The following AQP9 variants were observed in gnomAD, a reference collection of about 807,000 sequenced individuals.
The protein encoded by AQP9 is aquaporin 9.
In AQP9, 19 loss-of-function variants were observed where a neutral mutation model predicts 23.8. The ratio of observed to expected loss-of-function variants is 0.80; its 90% confidence interval spans 0.56 to 1.17. The LOEUF (loss-of-function observed/expected upper bound fraction) is 1.17. AQP9 is among the 50% of genes most tolerant of loss of function. The pLI is 0.00. For missense variants in AQP9, 413 were observed against 362.0 expected, an observed-to-expected ratio of 1.14 and a Z score of -1.14; for synonymous variants, 153 against 131.5, an observed-to-expected ratio of 1.16 and a Z score of -1.12.
intron 5 of AQP9, among the ~76,000 whole-genome samples, chr15:58,180,608 A>T (rs1374381742): frequency 6.6e-6 from 1 of 152,218 alleles, no homozygotes; most frequent in African/African-American, 2.4e-5. Flanking sequence ...AACTCAGTCA[A>T]CATTCCCTGT....
intron 1 of AQP9, among the ~76,000 whole-genome samples, chr15:58,146,174 T>G (rs1414243576): frequency 6.6e-6 from 1 of 152,182 alleles, no homozygotes; most frequent in African/African-American, 2.4e-5. Flanking sequence ...AAAATTTTCC[T>G]CTTTATTACC....
chr15:58,142,484 A>C (rs1376974882), intron 1 of AQP9, among the ~76,000 whole-genome samples: 1 of 152,224 alleles, frequency 6.6e-6, no homozygotes, highest in Non-Finnish European at 1.5e-5. Context: ...GATATTTTAC[A>C]GGAGATCTGC....
chr15:58,153,937 A>G (rs1898198016), intron 1 of AQP9: 1 of 152,110 alleles, frequency 6.6e-6, no homozygotes, highest in Non-Finnish European at 1.5e-5. Flanking sequence ...TTTCCTAATT[A>G]ACCCAATTAA....
chr15:58,149,400 T>C (rs1898107667), intron 1 of AQP9, among the ~76,000 whole-genome samples: 1 of 152,152 alleles, frequency 6.6e-6, no homozygotes. Flanking sequence ...CTGGTCAAAA[T>C]CATGTGCAGT....
chr15:58,174,856 G>A lies in AQP9; in HGVS notation c.377-62G>A, dbSNP rs564051780. The A allele has an allele frequency of 5.0e-6, 7 of 1,413,430 alleles. No individual in the cohort carries two copies. The Admixed American group carries it at 1.0e-4, about 20-fold the overall frequency. 87.6% of individuals were successfully genotyped at this position (1,413,430 alleles called of 1,614,324 possible). ...GACTGGTTGTTTAGCACAAGGCTTG[G>A]CACAGGCCTCCTTCAACTCTTCCCA... On this transcript the variant is annotated intron_variant, in intron 3 of 5. Transcript: ENST00000219919.
At chr15:58,178,508 A>G (rs1198917652) in intron 4 of AQP9, among the ~76,000 whole-genome samples, 2 of 152,234 alleles carry the variant, frequency 1.3e-5, no homozygotes, top group Non-Finnish European at 2.9e-5. Flanking sequence ...TTTTGAATGC[A>G]TATTGCTAAA....
At chr15:58,173,946 A>C (rs1398627915) in intron 3 of AQP9, among the ~76,000 whole-genome samples, 1 of 152,094 alleles carries the variant, frequency 6.6e-6, no homozygotes, top group African/African-American at 2.4e-5. Context: ...CCCAAACTGA[A>C]GACCTTAGGA....
chr15:58,167,976 T>G (rs912698436), intron 2 of AQP9, among the ~76,000 whole-genome samples: 1 of 151,564 alleles, frequency 6.6e-6, no homozygotes, highest in Non-Finnish European at 1.5e-5. Context: ...CCACCTGCCT[T>G]GGCCTCCCAA....
chr15:58,175,289 T>G (rs1409940536), intron 4 of AQP9, among the ~76,000 whole-genome samples: 2 of 152,230 alleles, frequency 1.3e-5, no homozygotes, highest in African/African-American at 4.8e-5. Flanking sequence ...AAAGAGTGAA[T>G]GACTAAACAT....
intron 1 of AQP9, among the ~76,000 whole-genome samples, chr15:58,157,981 T>C (rs545355161): frequency 5.3e-5 from 8 of 152,172 alleles, no homozygotes; most frequent in Non-Finnish European, 1.2e-4. Flanking sequence ...ATACTTATTG[T>C]TACCAGAAAA....
chr15:58,184,094 G>T lies in AQP9; in HGVS notation c.847G>T (p.Glu283Ter), dbSNP rs1898956215. ...PDSVFKTEQS[E>*]DKPEKYELSV... Reference sequence around the variant, plus strand: ...CTCAGTCTTTAAGACAGAACAATCTGAGGACAAACCAGAGAAATATGAACT... The same window carrying T: ...CTCAGTCTTTAAGACAGAACAATCTTAGGACAAACCAGAGAAATATGAACT... The change falls in exon 6 of 6, where the codon GAG becomes TAG. Residue 283 changes from glutamate to a stop codon, truncating the protein, a stop_gained. Transcript: ENST00000219919. LOFTEE classifies it high-confidence loss of function. The T allele has an allele frequency of 6.2e-7, 1 of 1,613,968 alleles. No homozygotes were observed. The highest frequency in any genetic ancestry group is 1.3e-5 in the African/African-American group (1 of 74,892).
chr15:58,177,507 A>C (rs1898785862), intron 4 of AQP9, among the ~76,000 whole-genome samples: 1 of 152,252 alleles, frequency 6.6e-6, no homozygotes, highest in African/African-American at 2.4e-5. Context: ...AATATTAATT[A>C]AAAATTATTT....
chr15:58,153,730 G>C (rs139777168), intron 1 of AQP9: 33 of 152,116 alleles, frequency 2.2e-4, no homozygotes, highest in African/African-American at 7.7e-4. Flanking sequence ...ACACTTACAG[G>C]TATGCCTTTC....
At chr15:58,173,689 T>C (rs1022817813) in intron 3 of AQP9, among the ~76,000 whole-genome samples, 1 of 152,092 alleles carries the variant, frequency 6.6e-6, no homozygotes, top group Non-Finnish European at 1.5e-5. Context: ...CAACAGTCCT[T>C]GGGAAAAACA....
At chr15:58,144,429 C>G (rs563399012) in intron 1 of AQP9, among the ~76,000 whole-genome samples, 1 of 152,174 alleles carries the variant, frequency 6.6e-6, no homozygotes, top group East Asian at 1.9e-4. Context: ...CCTGTTCACA[C>G]GCATATGTGG....
chr15:58,184,432 A>G lies in AQP9; in HGVS notation c.*297A>G. 3.6e-6 allele frequency: 1 copy of G among 277,400 alleles called. No individual in the cohort carries two copies. Among genetic ancestry groups the G allele is most frequent in the Non-Finnish European group, 6.8e-6 (1 of 147,016 alleles). The allele number at this position is 277,400 out of a possible 1,614,324, so 17.2% of individuals were successfully genotyped here. A position where few individuals can be genotyped will look rare whatever the true frequency, so the allele number is the denominator to read the frequency against. On this transcript the variant is annotated 3_prime_UTR_variant, in exon 6 of 6. Transcript: ENST00000219919. ...AATTCTTGCTAGGTAAGCACTAATAACTCGGCATCTTGACGATAGTCCCAT... is the reference window on the plus strand; with the variant it reads ...AATTCTTGCTAGGTAAGCACTAATAGCTCGGCATCTTGACGATAGTCCCAT...
intron 1 of AQP9, chr15:58,163,938 C>G (rs116003049): frequency 6.6e-6 from 1 of 152,316 alleles, no homozygotes; most frequent in Non-Finnish European, 1.5e-5. Context: ...GGGAACAAAC[C>G]AGGAGGCAGT....
chr15:58,171,764 A>G (rs571580760), intron 2 of AQP9, among the ~76,000 whole-genome samples: 1 of 152,266 alleles, frequency 6.6e-6, no homozygotes, highest in Non-Finnish European at 1.5e-5. Context: ...AGACTTGGAA[A>G]AAGCATAGCT....
chr15:58,144,645 T>C (rs1361683623), intron 1 of AQP9, among the ~76,000 whole-genome samples: 1 of 152,222 alleles, frequency 6.6e-6, no homozygotes, highest in East Asian at 1.9e-4. Context: ...ATGGGAGTTA[T>C]GTATTTCTTG....
Sources: allele counts gnomAD v4.1 joint callset (sites outside exome capture counted in the v4.1 genomes callset), GRCh38; gene constraint gnomAD v4.1.1; transcripts MANE v1.5; gene names NCBI Gene and HGNC (gene_info 2026-07-23, HGNC 2026-07-21).